Variants in MARCHF1 observed in about 807,000 individuals in gnomAD.
The protein encoded by MARCHF1 is E3 ubiquitin-protein ligase MARCHF1.
MARCHF1 carries 40 observed loss-of-function variants against 54.2 expected under a neutral mutation model. That is an observed-to-expected ratio of 0.74 (90% CI 0.57 to 0.96). MARCHF1 has a LOEUF of 0.96. Among genes scored for constraint, MARCHF1 ranks in the 40% least tolerant of loss-of-function variants. The pLI, the probability that MARCHF1 is intolerant of heterozygous loss-of-function variation, is 0.00. For synonymous variants in MARCHF1, 236 were observed against 236.3 expected, an observed-to-expected ratio of 1.00 and a Z score of 0.01; for missense variants, 586 against 656.5, an observed-to-expected ratio of 0.89 and a Z score of 1.17.
intron 4 of MARCHF1, among the ~76,000 whole-genome samples, chr4:163,812,095 G>A (rs951893228): frequency 2.0e-5 from 3 of 151,102 alleles, no homozygotes; most frequent in African/African-American, 4.9e-5. Flanking sequence ...GGTGCTCCTG[G>A]TTCTCAAGCC....
At chr4:164,107,935 C>A (rs1380677076) in intron 2 of MARCHF1, among the ~76,000 whole-genome samples, 1 of 152,006 alleles carries the variant, frequency 6.6e-6, no homozygotes, top group Non-Finnish European at 1.5e-5. Context: ...ACATAAACTA[C>A]CCCCTCCACC....
intron 5 of MARCHF1, among the ~76,000 whole-genome samples, chr4:163,696,214 G>A (rs7692289): frequency 0.03 from 4,511 of 152,150 alleles, 78 homozygotes; most frequent in East Asian, 0.077. Context: ...AATTGCTGTT[G>A]AATAATATAT....
At chr4:163,590,415 T>G (rs1013779365) in intron 7 of MARCHF1, among the ~76,000 whole-genome samples, 1 of 152,104 alleles carries the variant, frequency 6.6e-6, no homozygotes. Context: ...ATCTTCTTCC[T>G]TTTCATCCCC....
intron 1 of MARCHF1, among the ~76,000 whole-genome samples, chr4:164,365,631 T>C (rs1578903018): frequency 1.3e-5 from 2 of 152,070 alleles, no homozygotes; most frequent in African/African-American, 4.8e-5. Flanking sequence ...CAATCTCATT[T>C]ACTTAGATGT....
At chr4:163,961,522 G>A (rs916832109) in intron 3 of MARCHF1, among the ~76,000 whole-genome samples, 2 of 151,806 alleles carry the variant, frequency 1.3e-5, no homozygotes, top group African/African-American at 4.8e-5. Context: ...CATATGAGAT[G>A]GTGTCACTAT....
chr4:164,157,644 C>T (rs1730113116), intron 1 of MARCHF1, among the ~76,000 whole-genome samples: 1 of 152,110 alleles, frequency 6.6e-6, no homozygotes, highest in South Asian at 2.1e-4. Flanking sequence ...CTGGGTAATT[C>T]TTGACTTGGA....
intron 2 of MARCHF1, among the ~76,000 whole-genome samples, chr4:164,078,091 T>C (rs1467136308): frequency 6.6e-6 from 1 of 152,186 alleles, no homozygotes. Context: ...CGTATGTTTA[T>C]TGCAGCGCTG....
intron 4 of MARCHF1, among the ~76,000 whole-genome samples, chr4:163,792,065 T>C (rs955701172): frequency 6.6e-6 from 1 of 152,212 alleles, no homozygotes; most frequent in Non-Finnish European, 1.5e-5. Context: ...ATCAGAATAC[T>C]TCCTTTCACT....
intron 1 of MARCHF1, among the ~76,000 whole-genome samples, chr4:164,129,463 A>C (rs1756255026): frequency 1.4e-5 from 2 of 146,462 alleles, no homozygotes; most frequent in Admixed American, 6.9e-5. Flanking sequence ...AAAAACAGAA[A>C]TTTGAGACCT....
rs116678776 is a variant in MARCHF1, at chr4:163,553,836, G to A, written c.1192-8093C>T. 2.5e-3 allele frequency among the ~76,000 whole-genome samples: 374 copies of A among 152,278 alleles called. 6 individuals are homozygous for A. The highest frequency in any genetic ancestry group is 8.3e-3 in the African/African-American group (346 of 41,542). ...CTGTGGGCATCGCAGGACATGAGAA[G>A]CAGTCTGACTAGAAAGGTCCCGCTG... On this transcript the variant is annotated intron_variant, in intron 8 of 9. Coordinates refer to ENST00000514618, the MANE Select transcript of MARCHF1 (RefSeq NM_001394959.1).
At chr4:164,282,357 C>T (rs113544875) in intron 1 of MARCHF1, among the ~76,000 whole-genome samples, 16 of 151,078 alleles carry the variant, frequency 1.1e-4, no homozygotes, top group African/African-American at 3.6e-4. Flanking sequence ...TATCAACCTA[C>T]ACTTGGAGTC....
At chr4:163,662,000 T>C (rs1743358609) in intron 5 of MARCHF1, among the ~76,000 whole-genome samples, 1 of 152,112 alleles carries the variant, frequency 6.6e-6, no homozygotes, top group South Asian at 2.1e-4. Context: ...TTGCTCCTTT[T>C]TAAAAAACAA....
At chr4:164,311,373 T>C (rs1649837941) in intron 1 of MARCHF1, among the ~76,000 whole-genome samples, 1 of 152,174 alleles carries the variant, frequency 6.6e-6, no homozygotes, top group African/African-American at 2.4e-5. Context: ...AAGTTAAACA[T>C]ACTGGGTTTA....
intron 4 of MARCHF1, among the ~76,000 whole-genome samples, chr4:163,840,443 G>A (rs780762144): frequency 5.3e-5 from 8 of 152,008 alleles, no homozygotes; most frequent in Admixed American, 1.3e-4. Flanking sequence ...TGTTTCATGG[G>A]TATATTGTGT....
At chr4:164,330,174 TAAAAAAAA>T (rs10713917) in intron 1 of MARCHF1, 1 of 143,730 alleles carries the variant, frequency 7.0e-6, no homozygotes, top group South Asian at 2.2e-4. Context: ...GAAGGAAGGT[TAAAAAAAA>T]AAAAAAACAA....
At chr4:163,969,034 A>G (rs1212307249) in intron 3 of MARCHF1, among the ~76,000 whole-genome samples, 1 of 152,162 alleles carries the variant, frequency 6.6e-6, no homozygotes, top group African/African-American at 2.4e-5. Flanking sequence ...TAGCCATAGG[A>G]ACGTGGCTGG....
chr4:164,248,738 T>TA (rs920444716), intron 1 of MARCHF1, among the ~76,000 whole-genome samples: 81 of 152,030 alleles, frequency 5.3e-4, no homozygotes, highest in African/African-American at 1.8e-3. Context: ...AAACAATTGT[T>TA]AAAAAAATAT....
At chr4:164,020,912 T>C (rs1455238164) in intron 2 of MARCHF1, among the ~76,000 whole-genome samples, 1 of 152,130 alleles carries the variant, frequency 6.6e-6, no homozygotes, top group Non-Finnish European at 1.5e-5. Flanking sequence ...GCCTGGGTGA[T>C]AAAGACCATA....
chr4:163,575,244 T>C (rs1490706196), intron 8 of MARCHF1, among the ~76,000 whole-genome samples: 2 of 152,130 alleles, frequency 1.3e-5, no homozygotes, highest in Admixed American at 6.6e-5. Flanking sequence ...GTTTTTATCA[T>C]GAAGGAATGC....
Sources: allele counts gnomAD v4.1 joint callset (sites outside exome capture counted in the v4.1 genomes callset), GRCh38; gene constraint gnomAD v4.1.1; transcripts MANE v1.5; gene names NCBI Gene and HGNC (gene_info 2026-07-23, HGNC 2026-07-21).